The following TBP variants were observed in gnomAD, a reference collection of about 807,000 sequenced individuals.
The protein encoded by TBP is TATA-box binding protein.
In TBP, 12 loss-of-function variants were observed where a neutral mutation model predicts 46.2. The observed-to-expected ratio is 0.26, with a 90% CI of 0.17 to 0.42. TBP has a LOEUF of 0.42. TBP is among the 10% of genes least tolerant of loss of function. The pLI, the probability that TBP is intolerant of heterozygous loss-of-function variation, is 1.00. For missense variants in TBP, 229 were observed against 403.1 expected, an observed-to-expected ratio of 0.57 and a Z score of 3.70; for synonymous variants, 157 against 148.3, an observed-to-expected ratio of 1.06 and a Z score of -0.42.
chr6:170,554,564 C>G (rs1438051916), intron 1 of TBP, 101 bp downstream of exon 1: 2 of 152,838 alleles, frequency 1.3e-5, no homozygotes, highest in Non-Finnish European at 2.9e-5. Context: ...GGCGCGCGTG[C>G]AGGCCCCTCG....
chr6:170,555,308 C>A (rs1283269447), intron 1 of TBP, among the ~76,000 whole-genome samples: 1 of 152,200 alleles, frequency 6.6e-6, no homozygotes, highest in South Asian at 2.1e-4. Flanking sequence ...AACGAAACTT[C>A]CGTCCTCCAG....
chr6:170,571,305 CTT>C, intron 6 of TBP, 103 bp from the exon 7 acceptor site: 1 of 753,028 alleles, frequency 1.3e-6, no homozygotes, highest in Non-Finnish European at 2.2e-6. Flanking sequence ...TGTTTTACCT[CTT>C]GACTAGTTTG....
intron 4 of TBP, 108 bp downstream of exon 4, chr6:170,564,740 G>A (rs567028337): frequency 1.0e-4 from 65 of 633,148 alleles, no homozygotes; most frequent in Middle Eastern, 5.0e-4. Flanking sequence ...TGTAGATCAG[G>A]CCAGGCACAG....
At chr6:170,569,925 G>A (rs978988672) in intron 6 of TBP, 146 bp downstream of exon 6, 3 of 782,692 alleles carry the variant, frequency 3.8e-6, no homozygotes, top group Non-Finnish European at 5.8e-6. Flanking sequence ...TTGTCTTCCT[G>A]ATGTTCTCAG....
chr6:170,569,800 G>T (rs766351185), intron 6 of TBP, 21 bp downstream of exon 6: 2 of 1,597,052 alleles, frequency 1.3e-6, no homozygotes, highest in East Asian at 2.2e-5. Flanking sequence ...AATGTATTAT[G>T]ATTGTTATTG....
At position 170,562,204 on chromosome 6, in the gene TBP, G is replaced by C. The variant is rs756483712; in HGVS notation, c.468G>C (p.Ser156=). The change falls in exon 3 of 8, where the codon TCG becomes TCC. Residue 156 remains serine, a synonymous_variant. Transcript: ENST00000392092. ...CCATCACTCCTGCCACGCCAGCTTC[G>C]GAGAGTTCTGGGATTGTACCGCAGC... The part of the protein sequence containing the change: ...MTPITPATPA[S]ESSGIVPQLQ... 6.2e-7 allele frequency: 1 copy of C among 1,613,968 alleles called. No homozygotes were observed. Among genetic ancestry groups the C allele is most frequent in the African/African-American group, 1.3e-5 (1 of 74,882 alleles).
intron 2 of TBP, among the ~76,000 whole-genome samples, chr6:170,560,135 C>T (rs184916522): frequency 6.6e-6 from 1 of 152,288 alleles, no homozygotes; most frequent in Admixed American, 6.5e-5. Flanking sequence ...TGTTTTCATG[C>T]CTGCTTAAAT....
At chr6:170,567,982 A>G (rs775175478) in intron 5 of TBP, among the ~76,000 whole-genome samples, 3 of 152,222 alleles carry the variant, frequency 2.0e-5, no homozygotes, top group African/African-American at 7.2e-5. Flanking sequence ...ACTTGGAGGT[A>G]TCAACACATA....
chr6:170,568,039 C>T (rs1276929995), intron 5 of TBP, among the ~76,000 whole-genome samples: 2 of 152,178 alleles, frequency 1.3e-5, no homozygotes, highest in Non-Finnish European at 2.9e-5. Context: ...TTGAAATTGT[C>T]TTTCAGTGAT....
intron 5 of TBP, among the ~76,000 whole-genome samples, chr6:170,568,490 C>T (rs1001355516): frequency 2.0e-5 from 3 of 152,120 alleles, no homozygotes; most frequent in Non-Finnish European, 4.4e-5. Flanking sequence ...GAGTCTCGCT[C>T]TGCGCCCAGG....
At chr6:170,555,313 C>A (rs1197693673) in intron 1 of TBP, among the ~76,000 whole-genome samples, 1 of 152,210 alleles carries the variant, frequency 6.6e-6, no homozygotes, top group African/African-American at 2.4e-5. Context: ...AACTTCCGTC[C>A]TCCAGTTTTA....
chr6:170,572,329 G>GC lies in TBP; in HGVS notation c.*64_*65insC. The stretch of plus-strand genomic sequence containing the variant: ...TTTTTTTTTTTAAACAAATCAGTTT[G>GC]TTTTGGTACCTTTAAATGGTGGTGT... On this transcript the variant is annotated 3_prime_UTR_variant, in exon 8 of 8. Coordinates refer to ENST00000392092, the MANE Select transcript of TBP (RefSeq NM_003194.5). 7.7e-7 allele frequency: 1 copy of GC among 1,293,234 alleles called. No individual in the cohort carries two copies. The highest frequency in any genetic ancestry group is 2.4e-5 in the East Asian group (1 of 41,292). The allele number at this position is 1,293,234 out of a possible 1,614,324, so 80.1% of individuals were successfully genotyped here.
rs1256510609 is a variant in TBP at position 170,562,305 on chromosome 6, G to A, written c.497+72G>A. The A allele has an allele frequency of 3.4e-6, 5 of 1,470,324 alleles. No homozygotes were observed. In the African/African-American group the frequency reaches 7.0e-5, roughly 21 times the overall value. 91.1% of individuals were successfully genotyped at this position (1,470,324 alleles called of 1,614,324 possible). Reference sequence around the variant, plus strand: ...GAGTTATGTTCCTGCTCTGTTTTCAGATGGATCCTTTTATTAAGGGAGGGA... The same window carrying A: ...GAGTTATGTTCCTGCTCTGTTTTCAAATGGATCCTTTTATTAAGGGAGGGA... On this transcript the variant is annotated intron_variant, in intron 3 of 7. Transcript: ENST00000392092.
At chr6:170,559,803 T>A (rs1390269044) in intron 2 of TBP, among the ~76,000 whole-genome samples, 1 of 152,178 alleles carries the variant, frequency 6.6e-6, no homozygotes, top group Non-Finnish European at 1.5e-5. Context: ...AGAGGAGAAA[T>A]CAGTGCCTAG....
rs940588552 is a variant in TBP, at chr6:170,569,540, ATAAGT to A, written c.678-69_678-65del. 637 of 1,406,764 alleles carry A rather than the reference ATAAGT, an allele frequency of 4.5e-4. 5 individuals carry two copies. The East Asian group carries it at 8.2e-3, about 18-fold the overall frequency. The allele number at this position is 1,406,764 out of a possible 1,614,324, so 87.1% of individuals were successfully genotyped here. On this transcript the variant is annotated intron_variant, in intron 5 of 7. Transcript: ENST00000392092. Reference sequence around the variant, plus strand: ...ATTAGTTTACTGTTTTGGACTTTTTATAAGTTATTAGTCTAAATAAGTATTTTAGC... The same window carrying A: ...ATTAGTTTACTGTTTTGGACTTTTTATATTAGTCTAAATAAGTATTTTAGC...
intron 1 of TBP, among the ~76,000 whole-genome samples, chr6:170,555,798 C>T (rs1015823343): frequency 6.6e-6 from 1 of 152,088 alleles, no homozygotes; most frequent in Non-Finnish European, 1.5e-5. Context: ...TAGCTTAGAC[C>T]ATACCTGCTG....
rs140236128 is a variant in TBP, at chr6:170,561,931, G to GCAGCAACAACAA, written c.200_201insACAACAACAGCA (p.Gln92_Gln95dup). 2 of 1,443,788 alleles carry GCAGCAACAACAA rather than the reference G, an allele frequency of 1.4e-6. No individual in the cohort carries two copies. The highest frequency in any genetic ancestry group is 2.4e-5 in the South Asian group (2 of 84,806). The allele number at this position is 1,443,788 out of a possible 1,614,324, so 89.4% of individuals were successfully genotyped here. A position where few individuals can be genotyped will look rare whatever the true frequency, so the allele number is the denominator to read the frequency against. On this transcript the variant is annotated inframe_insertion, in exon 3 of 8. Transcript: ENST00000392092. The stretch of plus-strand genomic sequence containing the variant: ...GGCAGCAGCAGCAACAACAACAGCA[G>GCAGCAACAACAA]CAGCAGCAGCAGCAGCAGCAACAGC...
At chr6:170,568,805 CTTTCCTTTT>C (rs1253212703) in intron 5 of TBP, among the ~76,000 whole-genome samples, 4 of 64,376 alleles carry the variant, frequency 6.2e-5, no homozygotes, top group Non-Finnish European at 1.2e-4. Flanking sequence ...TTCTTTCTTT[CTTTCCTTTT>C]CTTTTTTTTT....
chr6:170,560,502 A>G (rs1779121453), intron 2 of TBP, among the ~76,000 whole-genome samples: 1 of 152,234 alleles, frequency 6.6e-6, no homozygotes, highest in Non-Finnish European at 1.5e-5. Flanking sequence ...TGTAGCTGCC[A>G]TAGATAGTGA....
Sources: allele counts gnomAD v4.1 joint callset (sites outside exome capture counted in the v4.1 genomes callset), GRCh38; gene constraint gnomAD v4.1.1; transcripts MANE v1.5; gene names NCBI Gene and HGNC (gene_info 2026-07-23, HGNC 2026-07-21).